THAP3: variants seen among roughly 807,000 people sequenced by gnomAD.
THAP3 encodes the protein THAP domain containing 3, also known as THAP domain-containing protein 3.
In THAP3, 12 loss-of-function variants were observed where a neutral mutation model predicts 17.7. The observed-to-expected ratio is 0.68, with a 90% CI of 0.43 to 1.10. The LOEUF is 1.10. Among genes scored for constraint, THAP3 ranks in the 50% least tolerant of loss-of-function variants. The pLI is 0.00. For missense variants in THAP3, 289 were observed against 318.0 expected, an observed-to-expected ratio of 0.91 and a Z score of 0.69; for synonymous variants, 133 against 126.9, an observed-to-expected ratio of 1.05 and a Z score of -0.32.
In THAP3 at chr1:6,628,677, C is replaced by T; in HGVS notation, c.253C>T (p.Gln85Ter). ...HNAVPTVFAF[Q>*]DPTQQVRENT... ...TGCCGTGCCCACGGTGTTCGCCTTT[C>T]AGGACCCCACACAGGTAGGAGGGCA... The change falls in exon 3 of 6, where the codon CAG (glutamine) becomes TAG (stop). Residue 85 changes from glutamine (Q) to a stop codon, truncating the protein, a stop_gained. Coordinates refer to ENST00000054650, the MANE Select transcript of THAP3 (RefSeq NM_001195753.2). LOFTEE classifies it high-confidence loss of function. 1.2e-6 allele frequency: 2 copies of T among 1,612,886 alleles called. No individual in the cohort carries two copies. The highest frequency in any genetic ancestry group is 1.7e-6 in the Non-Finnish European group (2 of 1,179,644).
intron 2 of THAP3, among the ~76,000 whole-genome samples, chr1:6,627,220 T>G (rs1326505075): frequency 6.6e-6 from 1 of 152,168 alleles, no homozygotes; most frequent in Non-Finnish European, 1.5e-5. Context: ...CTAGCCACAC[T>G]TGCTCCCCAG....
At chr1:6,624,996 G>A (rs1403239396) in intron 1 of THAP3, 42 bp downstream of exon 1, 2 of 548,758 alleles carry the variant, frequency 3.6e-6, no homozygotes, top group Admixed American at 3.5e-5. Flanking sequence ...TGGGGTTTCG[G>A]GCCTGAATTG....
At position 6,628,564 on chromosome 1, in the gene THAP3, A is replaced by C. The variant is rs754913322; in HGVS notation, c.140A>C (p.Lys47Thr). 1.7e-5 allele frequency: 27 copies of C among 1,613,710 alleles called. No homozygotes were observed. Among genetic ancestry groups the C allele is most frequent in the Middle Eastern group, 1.6e-4 (1 of 6,084 alleles). Reference protein sequence around the residue: ...WVLNIGRGNFKPKQHTVICSE... With the variant: ...WVLNIGRGNFTPKQHTVICSE... ...CTGAACATCGGCCGGGGCAACTTCA[A>C]GCCCAAGCAGCACACGGTCATCTGC... The change falls in exon 3 of 6, where the codon AAG becomes ACG. Residue 47 changes from lysine to threonine, a missense_variant. Transcript: ENST00000054650.
chr1:6,633,916 G>GAAAA, downstream of THAP3: 1 of 948,042 alleles, frequency 1.1e-6, no homozygotes, highest in Non-Finnish European at 1.6e-6. Flanking sequence ...GACTCAGTCT[G>GAAAA]AAAAAAAAAA....
chr1:6,630,737 AT>A (rs1444820092), intron 4 of THAP3, among the ~76,000 whole-genome samples: 2 of 152,014 alleles, frequency 1.3e-5, no homozygotes, highest in African/African-American at 2.4e-5. Flanking sequence ...CGCCCGGCTA[AT>A]TTTTGTGTTT....
chr1:6,630,437 G>C, intron 4 of THAP3, 84 bp downstream of exon 4: 1 of 1,405,944 alleles, frequency 7.1e-7, no homozygotes. Flanking sequence ...AGCAAGGCCG[G>C]CCCGCAGGGC....
downstream of THAP3, chr1:6,634,135 G>C (rs1198430292): frequency 6.5e-7 from 1 of 1,545,964 alleles, no homozygotes; most frequent in Non-Finnish European, 8.9e-7. Context: ...CCCTCCTGAA[G>C]ATGAACACAC....
downstream of THAP3, chr1:6,634,739 C>T (rs1463276464): frequency 7.4e-7 from 1 of 1,354,150 alleles, no homozygotes; most frequent in Non-Finnish European, 9.8e-7. Flanking sequence ...CCCTGGTGTT[C>T]CTGTGAGGAC....
rs564253776 is a variant in THAP3, at chr1:6,631,623, G to A, written c.334-768G>A. 2.6e-5 allele frequency among the ~76,000 whole-genome samples: 4 copies of A among 152,056 alleles called. No homozygotes were observed. In the South Asian group the frequency reaches 6.2e-4, roughly 24 times the overall value. Reference sequence around the variant, plus strand: ...ATCTCTACTAAAAATACAAAAATTCGGCTGGGCCTGGTGGCTCACACCTGT... The same window carrying A: ...ATCTCTACTAAAAATACAAAAATTCAGCTGGGCCTGGTGGCTCACACCTGT... On this transcript the variant is annotated intron_variant, in intron 4 of 5. Transcript: ENST00000054650.
downstream of THAP3, chr1:6,634,614 C>A (rs748875908): frequency 7.3e-7 from 1 of 1,366,352 alleles, no homozygotes; most frequent in Admixed American, 1.9e-5. Context: ...ACAGGCCTCA[C>A]GTAACTTTAC....
chr1:6,633,930 ACTTC>A (rs1557460093), downstream of THAP3: 24 of 1,212,558 alleles, frequency 2.0e-5, no homozygotes. Flanking sequence ...AAAAAAACTG[ACTTC>A]CTATTTTGTC....
In THAP3 at chr1:6,632,484, C is replaced by T. The variant is rs1641644910; in HGVS notation, c.427C>T (p.His143Tyr). The T allele has an allele frequency of 1.9e-6, 3 of 1,614,158 alleles. No homozygotes were observed. The highest frequency in any genetic ancestry group is 2.5e-6 in the Non-Finnish European group (3 of 1,180,026). ...TCAGTTGCCCCCAAATGCCGAAGGC[C>T]ACGTAAAACAGGTAAGACTGAGTGC... ...ELQLPPNAEG[H>Y]VKQVSPRRPQ... The change falls in exon 5 of 6, where the codon CAC becomes TAC. Residue 143 changes from histidine to tyrosine, a missense_variant. Coordinates refer to ENST00000054650, the MANE Select transcript of THAP3 (RefSeq NM_001195753.2).
rs905740610 is a variant in THAP3, at chr1:6,625,167, A to T, written c.-52A>T. 1.5e-5 allele frequency: 22 copies of T among 1,472,658 alleles called. No homozygotes were observed. Among genetic ancestry groups the T allele is most frequent in the Admixed American group, 2.0e-5 (1 of 50,046 alleles). The allele number at this position is 1,472,658 out of a possible 1,614,324, so 91.2% of individuals were successfully genotyped here. On this transcript the variant is annotated 5_prime_UTR_variant, in exon 2 of 6. Transcript: ENST00000054650. ...CCCCGCAGGTCCCTCCCCTCTCCGC[A>T]GGCCCCGCCGCCGCCGCCATCTTTG...
rs762759990 is a variant in THAP3, at chr1:6,633,558, C to A, written c.*481C>A. On this transcript the variant is annotated 3_prime_UTR_variant, in exon 6 of 6. Coordinates refer to ENST00000054650, the MANE Select transcript of THAP3 (RefSeq NM_001195753.2). ...GTGGGCAGTGTAATAAAGTGTCTTTCTATACGGTGTCGCTCCCATCATCAT... is the reference window on the plus strand; with the variant it reads ...GTGGGCAGTGTAATAAAGTGTCTTTATATACGGTGTCGCTCCCATCATCAT... The A allele has an allele frequency of 9.3e-7, 1 of 1,079,398 alleles. No homozygotes were observed. Among genetic ancestry groups the A allele is most frequent in the Non-Finnish European group, 1.1e-6 (1 of 888,068 alleles). 66.9% of individuals were successfully genotyped at this position (1,079,398 alleles called of 1,614,324 possible).
intron 4 of THAP3, among the ~76,000 whole-genome samples, chr1:6,631,603 T>C (rs1183089470): frequency 6.6e-6 from 1 of 152,076 alleles, no homozygotes; most frequent in Non-Finnish European, 1.5e-5. Flanking sequence ...ACTCCATCTC[T>C]ACTAAAAATA....
chr1:6,630,435 C>G (rs986493530), intron 4 of THAP3, 82 bp downstream of exon 4: 3 of 1,442,998 alleles, frequency 2.1e-6, no homozygotes, highest in Non-Finnish European at 1.9e-6. Context: ...CCAGCAAGGC[C>G]GGCCCGCAGG....
At position 6,628,498 on chromosome 1, in the gene THAP3, G is replaced by A. The variant is rs749233004; in HGVS notation, c.75-1G>A. ...CTCACACCCCGTGCCTCTGCCCTTA[G>A]GTTTCCGTTCAGCCGCCCGGAGCTG... On this transcript the variant is annotated splice_acceptor_variant, in intron 2 of 5. Transcript: ENST00000054650. LOFTEE classifies it high-confidence loss of function. 6.2e-7 allele frequency: 1 copy of A among 1,609,642 alleles called. No homozygotes were observed. Among genetic ancestry groups the A allele is most frequent in the Non-Finnish European group, 8.5e-7 (1 of 1,178,192 alleles).
intron 1 of THAP3, 46 bp from the exon 2 acceptor site, chr1:6,625,104 A>T: frequency 8.2e-7 from 1 of 1,223,422 alleles, no homozygotes; most frequent in Non-Finnish European, 1.1e-6. Context: ...CCTGGAGGCG[A>T]GCCAGGCCCG....
intron 3 of THAP3, among the ~76,000 whole-genome samples, chr1:6,630,007 C>T (rs762718472): frequency 6.6e-6 from 1 of 152,198 alleles, no homozygotes; most frequent in Non-Finnish European, 1.5e-5. Flanking sequence ...GGCCAGGTGC[C>T]AGGCCCTGGG....
Sources: gnomAD v4.1 joint callset for allele counts (sites outside exome capture counted in the v4.1 genomes callset) on GRCh38, gnomAD v4.1.1 for gene constraint, MANE v1.5 for transcripts, NCBI Gene and HGNC (gene_info 2026-07-23, HGNC 2026-07-21) for gene names.